Variants in FOXO3 observed in about 807,000 individuals in gnomAD.
The protein encoded by FOXO3 is forkhead box protein O3.
Under a neutral mutation model 41.9 loss-of-function variants are expected in FOXO3, and 4 were observed. That is an observed-to-expected ratio of 0.10 (90% CI 0.05 to 0.22). The LOEUF (loss-of-function observed/expected upper bound fraction) is 0.22, where lower values mean the gene tolerates loss of function less well. FOXO3 is among the 10% of genes least tolerant of loss of function. The pLI, the probability that FOXO3 is intolerant of heterozygous loss-of-function variation, is 1.00. For missense variants in FOXO3, 534 were observed against 906.8 expected, an observed-to-expected ratio of 0.59 and a Z score of 5.28; for synonymous variants, 318 against 389.3, an observed-to-expected ratio of 0.82 and a Z score of 2.16.
At chr6:108,573,010 G>A (rs943201026) in intron 1 of FOXO3, among the ~76,000 whole-genome samples, 4 of 152,136 alleles carry the variant, frequency 2.6e-5, no homozygotes, top group African/African-American at 9.7e-5. Context: ...GCTTTTGGCC[G>A]GCGCGGTGGC....
chr6:108,598,947 G>T (rs1359216756), intron 1 of FOXO3, among the ~76,000 whole-genome samples: 1 of 152,110 alleles, frequency 6.6e-6, no homozygotes, highest in Non-Finnish European at 1.5e-5. Flanking sequence ...TCTAATTCTT[G>T]TCTGGGCATA....
At chr6:108,580,573 A>G (rs1776387956) in intron 1 of FOXO3, among the ~76,000 whole-genome samples, 1 of 152,250 alleles carries the variant, frequency 6.6e-6, no homozygotes, top group Admixed American at 6.5e-5. Flanking sequence ...AAGTGATAGA[A>G]GTGGGACTCC....
At chr6:108,605,456 CTATT>C (rs1463627425) in intron 1 of FOXO3, among the ~76,000 whole-genome samples, 2 of 152,094 alleles carry the variant, frequency 1.3e-5, no homozygotes, top group Non-Finnish European at 2.9e-5. Context: ...ATTTTGAAAA[CTATT>C]AATAATTTCT....
chr6:108,605,826 C>T (rs1777183342), intron 1 of FOXO3, among the ~76,000 whole-genome samples: 2 of 152,128 alleles, frequency 1.3e-5, no homozygotes, highest in South Asian at 2.1e-4. Context: ...GAGGCAAATT[C>T]GCATGTAGGA....
intron 1 of FOXO3, among the ~76,000 whole-genome samples, chr6:108,611,116 T>C (rs1407300474): frequency 6.6e-6 from 1 of 152,180 alleles, no homozygotes; most frequent in East Asian, 1.9e-4. Flanking sequence ...ATGTAGCCCT[T>C]TGTGTTAGCA....
chr6:108,573,146 G>T (rs537061894), intron 1 of FOXO3, among the ~76,000 whole-genome samples: 2 of 152,130 alleles, frequency 1.3e-5, no homozygotes, highest in Non-Finnish European at 1.5e-5. Context: ...AATTAGCTGG[G>T]TGTGGTGGCG....
chr6:108,571,345 T>C (rs1050546203), intron 1 of FOXO3, among the ~76,000 whole-genome samples: 2 of 152,178 alleles, frequency 1.3e-5, no homozygotes, highest in African/African-American at 4.8e-5. Flanking sequence ...TGCCCCATAT[T>C]TTGGTGGTGG....
chr6:108,595,243 G>T (rs1185895901), intron 1 of FOXO3, among the ~76,000 whole-genome samples: 1 of 152,206 alleles, frequency 6.6e-6, no homozygotes, highest in Non-Finnish European at 1.5e-5. Context: ...TTTTTAGGTA[G>T]TGATGTGGAA....
chr6:108,665,812 GAAAAAAA>G (rs34062396), intron 2 of FOXO3, among the ~76,000 whole-genome samples: 1 of 125,432 alleles, frequency 8.0e-6, no homozygotes, highest in South Asian at 2.7e-4. Context: ...CTATCTCTTA[GAAAAAAA>G]AAAAAAAAAA....
intron 2 of FOXO3, among the ~76,000 whole-genome samples, chr6:108,675,099 GGGAT>G (rs1770531970): frequency 6.6e-6 from 1 of 152,120 alleles, no homozygotes; most frequent in African/African-American, 2.4e-5. Flanking sequence ...GTCAGAGATA[GGGAT>G]TTATCTGTCC....
intron 1 of FOXO3, among the ~76,000 whole-genome samples, chr6:108,616,156 GTTTTTTTTTTT>G (rs35632295): frequency 3.6e-5 from 2 of 55,122 alleles, no homozygotes; most frequent in African/African-American, 6.2e-5. Flanking sequence ...CCCAACTAAG[GTTTTTTTTTTT>G]TTTTTTTTTT....
At chr6:108,560,516 G>A (rs1018589639), upstream of FOXO3, among the ~76,000 whole-genome samples, 55 of 152,316 alleles carry the variant, frequency 3.6e-4, no homozygotes, top group South Asian at 1.4e-3. Context: ...GGGCGAAGAG[G>A]GGAGAGGGAG....
intron 1 of FOXO3, among the ~76,000 whole-genome samples, chr6:108,612,221 A>G (rs936658881): frequency 5.9e-5 from 9 of 152,202 alleles, no homozygotes; most frequent in African/African-American, 2.2e-4. Flanking sequence ...ACTATTGTAA[A>G]TGATATTTTA....
At chr6:108,669,011 G>A (rs963354346) in intron 2 of FOXO3, among the ~76,000 whole-genome samples, 3 of 152,188 alleles carry the variant, frequency 2.0e-5, no homozygotes, top group African/African-American at 7.2e-5. Context: ...ACTCGGAGAG[G>A]CTGAGGCAGG....
intron 2 of FOXO3, among the ~76,000 whole-genome samples, chr6:108,677,029 T>C (rs1023069015): frequency 1.3e-5 from 2 of 152,276 alleles, no homozygotes; most frequent in African/African-American, 4.8e-5. Flanking sequence ...TGGGAGTTTC[T>C]GTATTAAATT....
intron 2 of FOXO3, among the ~76,000 whole-genome samples, chr6:108,665,529 A>G (rs1779024973): frequency 6.6e-6 from 1 of 152,172 alleles, no homozygotes; most frequent in Non-Finnish European, 1.5e-5. Flanking sequence ...CTAAACCTTT[A>G]AAAAAGTAAG....
chr6:108,650,813 C>T (rs948466427), intron 1 of FOXO3, among the ~76,000 whole-genome samples: 1 of 152,070 alleles, frequency 6.6e-6, no homozygotes, highest in Non-Finnish European at 1.5e-5. Flanking sequence ...CTGGAAATGT[C>T]CTTTCTTTAT....
chr6:108,656,459 T>G (rs1778691021), intron 1 of FOXO3: 1 of 985,358 alleles, frequency 1.0e-6, no homozygotes, highest in East Asian at 1.1e-4. Context: ...TCTGAAATAC[T>G]TTTTTAAAGT....
At chr6:108,670,083 GGA>G (rs1312003623) in intron 2 of FOXO3, among the ~76,000 whole-genome samples, 6 of 152,292 alleles carry the variant, frequency 3.9e-5, no homozygotes, top group African/African-American at 1.4e-4. Context: ...TATGGAGATG[GGA>G]GAAGGGGGCT....
Sources: gnomAD v4.1 joint callset for allele counts (sites outside exome capture counted in the v4.1 genomes callset) on GRCh38, gnomAD v4.1.1 for gene constraint, MANE v1.5 for transcripts, NCBI Gene and HGNC (gene_info 2026-07-23, HGNC 2026-07-21) for gene names.